Variants in MYO3B observed in about 807,000 individuals in gnomAD.
MYO3B encodes myosin IIIB.
Under a neutral mutation model 174.6 loss-of-function variants are expected in MYO3B, and 156 were observed. The ratio of observed to expected loss-of-function variants is 0.89; its 90% CI spans 0.78 to 1.02. The LOEUF (loss-of-function observed/expected upper bound fraction) is 1.02, where lower values mean the gene tolerates loss of function less well. Among genes scored for constraint, MYO3B ranks in the 50% least tolerant of loss-of-function variants. MYO3B has a pLI of 0.00. For missense variants in MYO3B, 1,632 were observed against 1,639.4 expected (o/e 1.00, Z 0.08); for synonymous variants, 563 against 569.1 (o/e 0.99, Z 0.15).
At chr2:170,491,380 C>T (rs1026869206) in intron 25 of MYO3B, among the ~76,000 whole-genome samples, 4 of 151,808 alleles carry the variant, frequency 2.6e-5, no homozygotes, top group East Asian at 1.9e-4. Context: ...TTAATTCCAC[C>T]GTGGCCATAG....
intron 22 of MYO3B, among the ~76,000 whole-genome samples, chr2:170,432,536 A>G (rs1478853779): frequency 1.3e-5 from 2 of 151,944 alleles, no homozygotes; most frequent in African/African-American, 4.8e-5. Flanking sequence ...TGAGGTAAAA[A>G]AAGTTATGGT....
intron 32 of MYO3B, among the ~76,000 whole-genome samples, chr2:170,634,920 C>G (rs1697334196): frequency 6.6e-6 from 1 of 151,986 alleles, no homozygotes; most frequent in Non-Finnish European, 1.5e-5. Context: ...AATGAGATAC[C>G]ATCTCACACC....
intron 8 of MYO3B, among the ~76,000 whole-genome samples, chr2:170,345,672 G>A (rs73975620): frequency 0.051 from 7,687 of 151,726 alleles, 369 homozygotes; most frequent in African/African-American, 0.12. Context: ...GTCATGGGTC[G>A]AATTGTGTCC....
chr2:170,486,378 C>T (rs1476431349), intron 25 of MYO3B, among the ~76,000 whole-genome samples: 1 of 143,840 alleles, frequency 7.0e-6, no homozygotes, highest in African/African-American at 2.6e-5. Flanking sequence ...AATCTTGGCT[C>T]ACCACAACCT....
intron 25 of MYO3B, among the ~76,000 whole-genome samples, chr2:170,496,774 A>G (rs1247378665): frequency 4.6e-5 from 7 of 151,892 alleles, no homozygotes; most frequent in Non-Finnish European, 4.4e-5. Flanking sequence ...CTACAGGCAC[A>G]TGTCACCATG....
At chr2:170,575,632 C>A (rs185118425) in intron 32 of MYO3B, among the ~76,000 whole-genome samples, 7 of 152,200 alleles carry the variant, frequency 4.6e-5, no homozygotes, top group Admixed American at 4.6e-4. Context: ...CAGATATGGG[C>A]CAATGGTCAT....
intron 19 of MYO3B, among the ~76,000 whole-genome samples, chr2:170,403,533 G>A (rs1474520545): frequency 6.6e-6 from 1 of 152,168 alleles, no homozygotes; most frequent in Non-Finnish European, 1.5e-5. Context: ...AAGGGATGGG[G>A]CTCTTTTCCT....
At chr2:170,618,814 T>G (rs952309165) in intron 32 of MYO3B, among the ~76,000 whole-genome samples, 1 of 151,526 alleles carries the variant, frequency 6.6e-6, no homozygotes, top group African/African-American at 2.4e-5. Context: ...CATTTGTATG[T>G]AGAAGTACAG....
intron 9 of MYO3B, among the ~76,000 whole-genome samples, chr2:170,378,947 T>A (rs187399355): frequency 1.3e-5 from 2 of 152,328 alleles, no homozygotes; most frequent in East Asian, 3.9e-4. Context: ...CCTGTTACAA[T>A]TTACTTCTCA....
At chr2:170,460,503 A>AAG (rs1411522038) in intron 23 of MYO3B, among the ~76,000 whole-genome samples, 12 of 151,678 alleles carry the variant, frequency 7.9e-5, no homozygotes, top group Non-Finnish European at 1.8e-4. Context: ...AAAAAAAAAA[A>AAG]AAAAAAAGAC....
At chr2:170,242,476 C>T (rs1176935395) in intron 7 of MYO3B, among the ~76,000 whole-genome samples, 1 of 152,186 alleles carries the variant, frequency 6.6e-6, no homozygotes. Flanking sequence ...AAGGCTTTCA[C>T]TCTGTGGAAC....
At chr2:170,334,410 C>T (rs940217518) in intron 7 of MYO3B, 7 of 152,174 alleles carry the variant, frequency 4.6e-5, no homozygotes, top group African/African-American at 7.2e-5. Context: ...GTAATTCTTG[C>T]TGCTTCCCAT....
chr2:170,431,269 T>C (rs2094706514), intron 22 of MYO3B, among the ~76,000 whole-genome samples: 1 of 151,864 alleles, frequency 6.6e-6, no homozygotes, highest in African/African-American at 2.4e-5. Flanking sequence ...TAAAAGGAAA[T>C]TCTCCTCGTT....
chr2:170,250,795 A>T lies in MYO3B; in HGVS notation c.749+14659A>T, dbSNP rs545813851. Among the ~76,000 whole-genome samples, 7 of 152,032 alleles carry T rather than the reference A, an allele frequency of 4.6e-5. No individual in the cohort carries two copies. In the South Asian group the frequency reaches 1.5e-3, roughly 32 times the overall value. ...GGATGGATGAGGAGCTGGACAGGGGATGGAGTGGGAAGATGATATTCCCCT... is the reference window on the plus strand; with the variant it reads ...GGATGGATGAGGAGCTGGACAGGGGTTGGAGTGGGAAGATGATATTCCCCT... On this transcript the variant is annotated intron_variant, in intron 7 of 34. Coordinates refer to ENST00000408978, the MANE Select transcript of MYO3B (RefSeq NM_138995.5).
At chr2:170,521,409 G>A (rs1201793337) in intron 30 of MYO3B, among the ~76,000 whole-genome samples, 1 of 152,146 alleles carries the variant, frequency 6.6e-6, no homozygotes, top group Non-Finnish European at 1.5e-5. Flanking sequence ...TTGACCTTGG[G>A]CAAGTCAGTG....
rs548729080 is a variant in MYO3B at position 170,200,025 on chromosome 2, G to T, written c.187-125G>T. On this transcript the variant is annotated intron_variant, in intron 2 of 34. Coordinates refer to ENST00000408978, the MANE Select transcript of MYO3B (RefSeq NM_138995.5). ...ATGTCCATTGTTAGATATTTTGAAGGTATGGTAATGAGATTGAAAATACAT... is the reference window on the plus strand; with the variant it reads ...ATGTCCATTGTTAGATATTTTGAAGTTATGGTAATGAGATTGAAAATACAT... The T allele has an allele frequency of 3.9e-6, 3 of 778,848 alleles. No homozygotes were observed. In the South Asian group the frequency reaches 6.9e-5, roughly 18 times the overall value. 48.2% of individuals were successfully genotyped at this position (778,848 alleles called of 1,614,324 possible). A position where few individuals can be genotyped will look rare whatever the true frequency, so the allele number is the denominator to read the frequency against.
intron 7 of MYO3B, among the ~76,000 whole-genome samples, chr2:170,325,344 A>G (rs919629077): frequency 5.3e-5 from 8 of 151,994 alleles, no homozygotes; most frequent in Admixed American, 1.3e-4. Flanking sequence ...AGTAGCTGGG[A>G]TTACAGGCAC....
chr2:170,422,582 C>T (rs1463965613), intron 22 of MYO3B, among the ~76,000 whole-genome samples: 1 of 152,008 alleles, frequency 6.6e-6, no homozygotes, highest in Non-Finnish European at 1.5e-5. Context: ...CCTCTGCCTC[C>T]CAAGTGGCCA....
chr2:170,384,689 G>T lies in MYO3B; in HGVS notation c.1290+875G>T, dbSNP rs539759774. On this transcript the variant is annotated intron_variant, in intron 12 of 34. Coordinates refer to ENST00000408978, the MANE Select transcript of MYO3B (RefSeq NM_138995.5). ...TTCATAGGGAGGAAGTAAATGGAGAGAAATATATATCGTTTTTAAGTTAAG... is the reference window on the plus strand; with the variant it reads ...TTCATAGGGAGGAAGTAAATGGAGATAAATATATATCGTTTTTAAGTTAAG... Among the ~76,000 whole-genome samples, 127 of 152,298 alleles carry T rather than the reference G, an allele frequency of 8.3e-4. 3 individuals are homozygous for T. In the South Asian group the frequency reaches 0.017, roughly 21 times the overall value.
Sources: allele counts gnomAD v4.1 joint callset (sites outside exome capture counted in the v4.1 genomes callset), GRCh38; gene constraint gnomAD v4.1.1; transcripts MANE v1.5; gene names NCBI Gene and HGNC (gene_info 2026-07-23, HGNC 2026-07-21).